The following KCTD16 variants were observed in gnomAD, a reference collection of about 807,000 sequenced individuals.
KCTD16 encodes the protein potassium channel tetramerization domain containing 16.
Under a neutral mutation model 33.2 loss-of-function variants are expected in KCTD16, and 13 were observed. The ratio of observed to expected loss-of-function variants is 0.39; its 90% CI spans 0.25 to 0.62. The LOEUF is 0.62. KCTD16 is among the 20% of genes least tolerant of loss of function. KCTD16 has a pLI of 0.50. For missense variants in KCTD16, 441 were observed against 525.1 expected, an observed-to-expected ratio of 0.84 and a Z score of 1.57; for synonymous variants, 197 against 195.3, an observed-to-expected ratio of 1.01 and a Z score of -0.07.
At chr5:144,210,440 C>G (rs1242785165) in intron 3 of KCTD16, among the ~76,000 whole-genome samples, 1 of 152,106 alleles carries the variant, frequency 6.6e-6, no homozygotes, top group Non-Finnish European at 1.5e-5. Flanking sequence ...AAAGAAACGT[C>G]TACCCTAGGG....
chr5:144,443,191 A>G (rs908941666), intron 3 of KCTD16, among the ~76,000 whole-genome samples: 41 of 152,232 alleles, frequency 2.7e-4, no homozygotes, highest in African/African-American at 9.4e-4. Context: ...TGAGGTTACT[A>G]TAAACTTCTC....
rs548020006 is a variant in KCTD16, at chr5:144,463,409, A to G, written c.833-10251A>G. Among the ~76,000 whole-genome samples, 614 of 152,356 alleles carry G rather than the reference A, an allele frequency of 4.0e-3. 2 individuals carry two copies. The highest frequency in any genetic ancestry group is 6.3e-3 in the Non-Finnish European group (427 of 68,028). ...TATCAAAAGCAATCAATTGTCTTCT[A>G]AAAACTTATTATTCAGTGGACATTG... is the stretch of plus-strand genomic sequence containing the variant. On this transcript the variant is annotated intron_variant, in intron 3 of 3. Coordinates refer to ENST00000512467, the MANE Select transcript of KCTD16 (RefSeq NM_020768.4).
At chr5:144,210,883 A>G (rs960272517) in intron 3 of KCTD16, among the ~76,000 whole-genome samples, 3 of 152,150 alleles carry the variant, frequency 2.0e-5, no homozygotes, top group Non-Finnish European at 4.4e-5. Flanking sequence ...TGCCTCTAAT[A>G]AAGCTGTGAT....
At position 144,400,942 on chromosome 5, in the gene KCTD16, A is replaced by G. The variant is rs542802255; in HGVS notation, c.833-72718A>G. Among the ~76,000 whole-genome samples, 229 of 152,292 alleles carry G rather than the reference A, an allele frequency of 1.5e-3. 1 individual carries two copies. Among genetic ancestry groups the G allele is most frequent in the African/African-American group, 5.3e-3 (220 of 41,584 alleles). On this transcript the variant is annotated intron_variant, in intron 3 of 3. Coordinates refer to ENST00000512467, the MANE Select transcript of KCTD16 (RefSeq NM_020768.4). ...TAAGTGCAAAGGCCAGGAGCTATGC[A>G]AAAGCTTTACATATTGGGGAATAGA...
intron 3 of KCTD16, among the ~76,000 whole-genome samples, chr5:144,222,250 G>A (rs1258760448): frequency 1.3e-5 from 2 of 152,056 alleles, no homozygotes; most frequent in African/African-American, 4.8e-5. Context: ...AGTTGCAAAA[G>A]CATTTATATA....
chr5:144,189,329 A>G (rs1420251038), intron 2 of KCTD16, among the ~76,000 whole-genome samples: 1 of 151,950 alleles, frequency 6.6e-6, no homozygotes, highest in African/African-American at 2.4e-5. Context: ...CGACTCTACT[A>G]AAAATACAGT....
intron 3 of KCTD16, among the ~76,000 whole-genome samples, chr5:144,283,960 A>C (rs995279252): frequency 6.6e-6 from 1 of 152,172 alleles, no homozygotes; most frequent in Non-Finnish European, 1.5e-5. Flanking sequence ...GGCCTCAAAA[A>C]TGGCTGGATC....
intron 1 of KCTD16, among the ~76,000 whole-genome samples, chr5:144,172,729 C>A (rs551933854): frequency 2.0e-5 from 3 of 152,142 alleles, no homozygotes; most frequent in Non-Finnish European, 2.9e-5. Context: ...CTTTTACTCT[C>A]AAAAATATCC....
chr5:144,274,485 T>C (rs1331016836), intron 3 of KCTD16, among the ~76,000 whole-genome samples: 1 of 152,202 alleles, frequency 6.6e-6, no homozygotes, highest in African/African-American at 2.4e-5. Flanking sequence ...TTTTTCATAA[T>C]TCTGAATGTG....
At chr5:144,319,650 A>G (rs1752022151) in intron 3 of KCTD16, among the ~76,000 whole-genome samples, 1 of 152,166 alleles carries the variant, frequency 6.6e-6, no homozygotes, top group African/African-American at 2.4e-5. Flanking sequence ...TTCACTGTCA[A>G]TGTTGTAAGA....
chr5:144,350,584 T>C (rs1751394382), intron 3 of KCTD16, among the ~76,000 whole-genome samples: 1 of 152,178 alleles, frequency 6.6e-6, no homozygotes, highest in African/African-American at 2.4e-5. Flanking sequence ...CCCTTAATGA[T>C]AGATACTTCA....
intron 3 of KCTD16, among the ~76,000 whole-genome samples, chr5:144,293,505 T>C (rs1340328379): frequency 2.0e-5 from 3 of 152,228 alleles, no homozygotes; most frequent in African/African-American, 7.2e-5. Flanking sequence ...TTTATTCTTA[T>C]GGCATTACTC....
rs992312281 is a variant in KCTD16 at position 144,258,981 on chromosome 5, G to A, written c.832+51435G>A. Among the ~76,000 whole-genome samples the A allele has an allele frequency of 3.3e-5, 5 of 151,946 alleles. No homozygotes were observed. The East Asian group carries it at 7.7e-4, about 24-fold the overall frequency. ...GAGCCATAAAAAAAGGGATGAGGCC[G>A]GGTGCGGTGGCTCACGCCTGTAATA... On this transcript the variant is annotated intron_variant, in intron 3 of 3. Coordinates refer to ENST00000512467, the MANE Select transcript of KCTD16 (RefSeq NM_020768.4).
At chr5:144,343,193 G>A (rs1752693445) in intron 3 of KCTD16, among the ~76,000 whole-genome samples, 1 of 152,172 alleles carries the variant, frequency 6.6e-6, no homozygotes, top group South Asian at 2.1e-4. Context: ...ATTCGGCTGT[G>A]AATCCATGTG....
intron 2 of KCTD16, among the ~76,000 whole-genome samples, chr5:144,200,610 A>G (rs1014987324): frequency 2.0e-5 from 3 of 152,220 alleles, no homozygotes; most frequent in African/African-American, 7.2e-5. Context: ...TTCATTTTAT[A>G]GATATGGAAG....
At chr5:144,238,492 G>A (rs1174231263) in intron 3 of KCTD16, among the ~76,000 whole-genome samples, 2 of 152,108 alleles carry the variant, frequency 1.3e-5, no homozygotes, top group African/African-American at 4.8e-5. Flanking sequence ...TGGTGGAAGT[G>A]AGAGTTGCCT....
At chr5:144,406,531 A>G (rs1272153328) in intron 3 of KCTD16, among the ~76,000 whole-genome samples, 3 of 152,206 alleles carry the variant, frequency 2.0e-5, no homozygotes, top group East Asian at 1.9e-4. Context: ...TTTCTCTACT[A>G]GTTGTCAAAA....
chr5:144,379,440 T>C (rs1353080167), intron 3 of KCTD16, among the ~76,000 whole-genome samples: 1 of 152,168 alleles, frequency 6.6e-6, no homozygotes, highest in Non-Finnish European at 1.5e-5. Context: ...CTATAGGGAC[T>C]GTGAGAGAAC....
chr5:144,299,061 T>C (rs1561558161), intron 3 of KCTD16, among the ~76,000 whole-genome samples: 1 of 94,298 alleles, frequency 1.1e-5, no homozygotes, highest in African/African-American at 4.1e-5. Flanking sequence ...TATATATATA[T>C]ATATATATAT....
Sources: allele counts gnomAD v4.1 joint callset (sites outside exome capture counted in the v4.1 genomes callset), GRCh38; gene constraint gnomAD v4.1.1; transcripts MANE v1.5; gene names NCBI Gene and HGNC (gene_info 2026-07-23, HGNC 2026-07-21).